Variants in TMLHE observed in about 807,000 individuals in gnomAD.
The protein encoded by TMLHE is trimethyllysine dioxygenase, mitochondrial.
TMLHE carries 18 observed loss-of-function variants against 25.7 expected under a neutral mutation model. The ratio of observed to expected loss-of-function variants is 0.70; its 90% CI spans 0.48 to 1.04. The LOEUF is 1.04. Ranked by LOEUF, TMLHE falls within the 50% of genes least tolerant of loss-of-function variation. The pLI is 0.00. For missense variants in TMLHE, 236 were observed against 259.0 expected (o/e 0.91, Z 0.61); for synonymous variants, 105 against 97.0 (o/e 1.08, Z -0.49).
chrX:155,605,583 G>A (rs781828741), intron 1 of TMLHE, among the ~76,000 whole-genome samples: 1 of 111,667 alleles, frequency 9.0e-6, no homozygotes, highest in South Asian at 3.8e-4. Context: ...CTTACAAGAG[G>A]TCCTTAAGGG....
chrX:155,560,676 GA>G (rs782278491), intron 1 of TMLHE, among the ~76,000 whole-genome samples: 8,202 of 46,888 alleles, frequency 0.17, 1,574 homozygotes, highest in African/African-American at 0.33. Flanking sequence ...GTGGCCAAAA[GA>G]AAAAAAAAAG....
intron 2 of TMLHE, among the ~76,000 whole-genome samples, chrX:155,542,237 G>C (rs2067317388): frequency 1.8e-5 from 2 of 111,252 alleles, no homozygotes; most frequent in Admixed American, 1.9e-4. Flanking sequence ...TATAAGGAAG[G>C]GATCCAGTTT....
intron 1 of TMLHE, among the ~76,000 whole-genome samples, chrX:155,610,960 C>T (rs1405861540): frequency 9.0e-6 from 1 of 111,405 alleles, no homozygotes; most frequent in Admixed American, 9.5e-5. Context: ...AGTGAATGAA[C>T]AGAGTATGAT....
At chrX:155,559,477 A>G (rs782144175) in intron 1 of TMLHE, among the ~76,000 whole-genome samples, 1 of 111,631 alleles carries the variant, frequency 9.0e-6, no homozygotes, top group African/African-American at 3.2e-5. Context: ...CATTGTCAAA[A>G]TTATGTTTTT....
intron 2 of TMLHE, among the ~76,000 whole-genome samples, chrX:155,539,671 T>C (rs2067299581): frequency 9.0e-6 from 1 of 111,313 alleles, no homozygotes; most frequent in African/African-American, 3.3e-5. Flanking sequence ...TTCAAAGGAA[T>C]AATTTAAACC....
intron 3 of TMLHE, among the ~76,000 whole-genome samples, chrX:155,514,552 G>A (rs939481367): frequency 2.7e-5 from 3 of 110,673 alleles, no homozygotes; most frequent in African/African-American, 9.8e-5. Context: ...AATTCATCAA[G>A]TCATCAAAGA....
chrX:155,560,006 G>C (rs1459778843), intron 1 of TMLHE, among the ~76,000 whole-genome samples: 2 of 112,642 alleles, frequency 1.8e-5, no homozygotes, highest in Non-Finnish European at 3.8e-5. Flanking sequence ...ACAGGTCTCT[G>C]TGCATAACCT....
chrX:155,556,523 G>T lies in TMLHE; in HGVS notation c.-1-11246C>A, dbSNP rs782133197. 5.8e-3 allele frequency among the ~76,000 whole-genome samples: 637 copies of T among 110,229 alleles called. 5 individuals are homozygous for T. Among genetic ancestry groups the T allele is most frequent in the African/African-American group, 0.02 (604 of 30,293 alleles). On this transcript the variant is annotated intron_variant, in intron 1 of 7. Transcript: ENST00000334398. ...AAAACCAGCAAGTTTTTATTAGGGA[G>T]TTTCAAAAGGGGAGGGAGTATATGA...
intron 1 of TMLHE, among the ~76,000 whole-genome samples, chrX:155,603,862 A>C (rs2067771791): frequency 8.9e-6 from 1 of 112,231 alleles, no homozygotes; most frequent in African/African-American, 3.2e-5. Context: ...TGGGCAAAGA[A>C]TTATTAGATA....
At chrX:155,535,246 G>A (rs187136675) in intron 2 of TMLHE, among the ~76,000 whole-genome samples, 324 of 112,419 alleles carry the variant, frequency 2.9e-3, no homozygotes, top group African/African-American at 9.9e-3. Context: ...GTCTGGCTGT[G>A]TTAGTCAGTT....
intron 2 of TMLHE, among the ~76,000 whole-genome samples, chrX:155,530,132 G>T (rs1268500105): frequency 1.8e-5 from 2 of 111,969 alleles, no homozygotes; most frequent in African/African-American, 3.2e-5. Context: ...CATGTTCATT[G>T]CAGCATTATT....
intron 2 of TMLHE, among the ~76,000 whole-genome samples, chrX:155,537,672 C>T (rs1287877389): frequency 9.1e-6 from 1 of 110,115 alleles, no homozygotes; most frequent in African/African-American, 3.3e-5. Context: ...TTACAGAGCC[C>T]ATATTCCATG....
chrX:155,553,336 C>T (rs1354564031), intron 1 of TMLHE, among the ~76,000 whole-genome samples: 1 of 107,707 alleles, frequency 9.3e-6, no homozygotes, highest in Non-Finnish European at 1.9e-5. Context: ...TAAATTTTTG[C>T]TTTGCCTATT....
intron 1 of TMLHE, among the ~76,000 whole-genome samples, chrX:155,548,929 G>A (rs151295206): frequency 3.6e-5 from 4 of 110,325 alleles, no homozygotes; most frequent in South Asian, 7.6e-4. Context: ...CATCTGATCG[G>A]CAAAAATTAA....
At chrX:155,548,534 G>C (rs782551193) in intron 1 of TMLHE, among the ~76,000 whole-genome samples, 12 of 108,812 alleles carry the variant, frequency 1.1e-4, no homozygotes, top group Non-Finnish European at 2.3e-4. Context: ...AGCAGTATGA[G>C]GCCAGCCTGA....
chrX:155,508,968 T>C (rs2067091635), intron 5 of TMLHE, among the ~76,000 whole-genome samples: 1 of 110,226 alleles, frequency 9.1e-6, no homozygotes, highest in South Asian at 3.8e-4. Flanking sequence ...AATTAAGATA[T>C]GGGAGGCTGA....
chrX:155,603,345 G>A (rs1489136813), intron 1 of TMLHE, among the ~76,000 whole-genome samples: 1 of 90,290 alleles, frequency 1.1e-5, no homozygotes, highest in East Asian at 3.5e-4. Context: ...AGAAAGAAAA[G>A]AAAGAAGAAA....
chrX:155,535,536 T>C (rs1023052951), intron 2 of TMLHE, among the ~76,000 whole-genome samples: 1 of 112,335 alleles, frequency 8.9e-6, no homozygotes, highest in African/African-American at 3.2e-5. Context: ...TACCATCACA[T>C]TGGGAGTTAG....
At chrX:155,569,144 G>A (rs1557342671) in intron 1 of TMLHE, among the ~76,000 whole-genome samples, 2 of 57,413 alleles carry the variant, frequency 3.5e-5, no homozygotes, top group Admixed American at 2.0e-4. Context: ...GCTTAAAGGA[G>A]CTGATGGAGC....
Sources: gnomAD v4.1 joint callset for allele counts (sites outside exome capture counted in the v4.1 genomes callset) on GRCh38, gnomAD v4.1.1 for gene constraint, MANE v1.5 for transcripts, NCBI Gene and HGNC (gene_info 2026-07-23, HGNC 2026-07-21) for gene names.